SEL1L3: variants seen among roughly 807,000 people sequenced by gnomAD.
SEL1L3 encodes the protein SEL1L family member 3.
In SEL1L3, 76 loss-of-function variants were observed where a neutral mutation model predicts 142.8. That is an observed-to-expected ratio of 0.53 (90% CI 0.44 to 0.64). The LOEUF (loss-of-function observed/expected upper bound fraction) is 0.64, where lower values mean the gene tolerates loss of function less well. Among genes scored for constraint, SEL1L3 ranks in the 30% least tolerant of loss-of-function variants. The pLI is 0.00. For synonymous variants in SEL1L3, 504 were observed against 519.6 expected, an observed-to-expected ratio of 0.97 and a Z score of 0.41; for missense variants, 1,262 against 1,381.7, an observed-to-expected ratio of 0.91 and a Z score of 1.37.
At chr4:25,772,634 A>G (rs1213478242) in intron 17 of SEL1L3, among the ~76,000 whole-genome samples, 2 of 152,110 alleles carry the variant, frequency 1.3e-5, no homozygotes, top group Non-Finnish European at 2.9e-5. Context: ...GAAAAGAAAA[A>G]AAGAAGGGAA....
Position 25,767,565 on chromosome 4 carries a change from G to T in SEL1L3, c.2805C>A (p.Tyr935Ter). 1.2e-6 allele frequency: 2 copies of T among 1,601,710 alleles called. No individual in the cohort carries two copies. Among genetic ancestry groups the T allele is most frequent in the Non-Finnish European group, 1.7e-6 (2 of 1,171,900 alleles). ...RYLGVNCVWR[Y>*]YNFSVFQIDA... is the part of the protein sequence containing the mutation. ...CGATTTGAAAAACAGAGAAATTATAGTATCTCCAAACACAGTTAACACCCA... is the reference window on the plus strand; with the variant it reads ...CGATTTGAAAAACAGAGAAATTATATTATCTCCAAACACAGTTAACACCCA... Residue 935 changes from tyrosine (Y) to a stop codon, truncating the protein, a stop_gained, in exon 19 of 24, where the codon TAC becomes TAA. Coordinates refer to ENST00000399878, the MANE Select transcript of SEL1L3 (RefSeq NM_015187.5). LOFTEE classifies it high-confidence loss of function.
chr4:25,781,162 G>T (rs1483546931), intron 15 of SEL1L3, among the ~76,000 whole-genome samples: 2 of 151,962 alleles, frequency 1.3e-5, no homozygotes, highest in African/African-American at 4.8e-5. Flanking sequence ...ACTTGTTTTA[G>T]TTCTCTGCAT....
chr4:25,837,010 A>G (rs976449129), intron 2 of SEL1L3, among the ~76,000 whole-genome samples: 11 of 152,116 alleles, frequency 7.2e-5, no homozygotes, highest in African/African-American at 2.7e-4. Flanking sequence ...GGTTTGTTAC[A>G]AGTAGAGATG....
chr4:25,757,711 C>A lies in SEL1L3; in HGVS notation c.3163G>T (p.Gly1055Cys). The change falls in exon 22 of 24, where the codon GGT (glycine) becomes TGT (cysteine). Residue 1055 changes from glycine (G) to cysteine (C), a missense_variant. Transcript: ENST00000399878. ...ACCAGGGCTGAGTGCAGGATAGCAC[C>A]CCAGAGAAGCCGCAAGTGCAGGTAA... ...WLYLHLRLLWGAILHSALIYF... is the reference protein window; with the variant it reads ...WLYLHLRLLWCAILHSALIYF... 1.9e-6 allele frequency: 3 copies of A among 1,595,876 alleles called. 1 individual carries two copies. Among genetic ancestry groups the A allele is most frequent in the Non-Finnish European group, 2.6e-6 (3 of 1,171,592 alleles).
At chr4:25,742,919 A>C, downstream of SEL1L3, among the ~76,000 whole-genome samples, 1 of 152,234 alleles carries the variant, frequency 6.6e-6, no homozygotes, top group Non-Finnish European at 1.5e-5. Context: ...ATGATTAAGC[A>C]GTAAATGAAT....
At chr4:25,744,123 G>A (rs559496650), downstream of SEL1L3, among the ~76,000 whole-genome samples, 1 of 152,244 alleles carries the variant, frequency 6.6e-6, no homozygotes, top group East Asian at 1.9e-4. Context: ...CTCATTTGGA[G>A]CTGAGCAGAC....
At chr4:25,823,006 C>T (rs1158148607) in intron 6 of SEL1L3, among the ~76,000 whole-genome samples, 2 of 152,104 alleles carry the variant, frequency 1.3e-5, no homozygotes, top group East Asian at 1.9e-4. Flanking sequence ...ACAGAGCATA[C>T]CTTTTATCTA....
In SEL1L3 at chr4:25,784,150, A is replaced by G. The variant is rs1054887867; in HGVS notation, c.2280+78T>C. On this transcript the variant is annotated intron_variant, in intron 14 of 23. Transcript: ENST00000399878. ...AGGGCTTTGTAGGAAGAGGCTGGCC[A>G]TTTCCTCTTTTAGACGTGCGAGAGC... 5 of 1,242,154 alleles carry G rather than the reference A, an allele frequency of 4.0e-6. No homozygotes were observed. The African/African-American group carries it at 7.4e-5, about 18-fold the overall frequency. The allele number at this position is 1,242,154 out of a possible 1,614,324, so 76.9% of individuals were successfully genotyped here.
chr4:25,839,747 C>T (rs141727588), intron 2 of SEL1L3, among the ~76,000 whole-genome samples: 48 of 152,286 alleles, frequency 3.2e-4, no homozygotes, highest in Admixed American at 6.5e-4. Context: ...TTCCCCTAAA[C>T]CTTTTCACGC....
chr4:25,800,743 T>C (rs1577625083), intron 11 of SEL1L3, among the ~76,000 whole-genome samples: 1 of 152,240 alleles, frequency 6.6e-6, no homozygotes, highest in Non-Finnish European at 1.5e-5. Flanking sequence ...AATACATGTA[T>C]AAATTATAAG....
At chr4:25,813,339 G>A (rs1440360695) in intron 9 of SEL1L3, among the ~76,000 whole-genome samples, 1 of 152,182 alleles carries the variant, frequency 6.6e-6, no homozygotes, top group Non-Finnish European at 1.5e-5. Context: ...ATAAAGTGTG[G>A]TATAAACATG....
At position 25,825,416 on chromosome 4, in the gene SEL1L3, C is replaced by T. The variant is rs555341312; in HGVS notation, c.1158-3288G>A. 6.6e-5 allele frequency among the ~76,000 whole-genome samples: 10 copies of T among 152,234 alleles called. No individual in the cohort carries two copies. The East Asian group carries it at 1.9e-3, about 29-fold the overall frequency. ...CCCAAGCCAGCCCCTTTTGAAAACCCGAGACATGCTGGCAAACTATCTTTA... is the reference window on the plus strand; with the variant it reads ...CCCAAGCCAGCCCCTTTTGAAAACCTGAGACATGCTGGCAAACTATCTTTA... On this transcript the variant is annotated intron_variant, in intron 6 of 23. Transcript: ENST00000399878.
At chr4:25,827,014 G>A (rs1333380857) in intron 6 of SEL1L3, among the ~76,000 whole-genome samples, 1 of 152,198 alleles carries the variant, frequency 6.6e-6, no homozygotes, top group Non-Finnish European at 1.5e-5. Flanking sequence ...CAATTGGGAT[G>A]TAGAGTTGGT....
chr4:25,819,566 T>A (rs1461391390), intron 8 of SEL1L3, among the ~76,000 whole-genome samples: 1 of 152,236 alleles, frequency 6.6e-6, no homozygotes, highest in South Asian at 2.1e-4. Context: ...AAACTAGATT[T>A]TTATGGTTGG....
At chr4:25,731,921 A>C in the SEL1L3 span, among the ~76,000 whole-genome samples, 3 of 152,222 alleles carry the variant, frequency 2.0e-5, no homozygotes, top group African/African-American at 7.2e-5. Context: ...AAAAATACAA[A>C]AAGTTAGCTG....
At chr4:25,850,283 T>C (rs761968495) in intron 1 of SEL1L3, among the ~76,000 whole-genome samples, 3 of 152,172 alleles carry the variant, frequency 2.0e-5, no homozygotes, top group Non-Finnish European at 4.4e-5. Context: ...CAATGTCAAT[T>C]AGAAACAAGG....
intron 16 of SEL1L3, among the ~76,000 whole-genome samples, chr4:25,778,473 G>A (rs1284870581): frequency 6.6e-6 from 1 of 152,080 alleles, no homozygotes; most frequent in Non-Finnish European, 1.5e-5. Context: ...GCAATCCATA[G>A]AAAAGAAAAA....
chr4:25,750,940 G>C (rs899184683), intron 23 of SEL1L3, among the ~76,000 whole-genome samples: 1 of 152,212 alleles, frequency 6.6e-6, no homozygotes, highest in African/African-American at 2.4e-5. Context: ...GTTGTACCGA[G>C]GAGCTAGCAG....
At chr4:25,832,074 C>T (rs754226081) in intron 5 of SEL1L3, among the ~76,000 whole-genome samples, 2 of 152,266 alleles carry the variant, frequency 1.3e-5, no homozygotes, top group South Asian at 2.1e-4. Flanking sequence ...TGTGGACCAC[C>T]GCTATGTCAC....
Sources: gnomAD v4.1 joint callset for allele counts (sites outside exome capture counted in the v4.1 genomes callset) on GRCh38, gnomAD v4.1.1 for gene constraint, MANE v1.5 for transcripts, NCBI Gene and HGNC (gene_info 2026-07-23, HGNC 2026-07-21) for gene names.